Variants in RELL1 observed in about 807,000 individuals in gnomAD.
RELL1 encodes the protein RELT-like protein 1.
In RELL1, 10 loss-of-function variants were observed where a neutral mutation model predicts 23.0. The ratio of observed to expected loss-of-function variants is 0.43; its 90% CI spans 0.27 to 0.74. The LOEUF (loss-of-function observed/expected upper bound fraction) is 0.74, where lower values mean the gene tolerates loss of function less well. Ranked by LOEUF, RELL1 falls within the 30% of genes least tolerant of loss-of-function variation. The pLI, the probability that RELL1 is intolerant of heterozygous loss-of-function variation, is 0.19. For synonymous variants in RELL1, 146 were observed against 146.8 expected, an observed-to-expected ratio of 0.99 and a Z score of 0.04; for missense variants, 315 against 364.4, an observed-to-expected ratio of 0.86 and a Z score of 1.10.
chr4:37,650,972 T>C (rs548210792), intron 1 of RELL1, among the ~76,000 whole-genome samples: 2 of 150,244 alleles, frequency 1.3e-5, no homozygotes, highest in East Asian at 4.0e-4. Flanking sequence ...GGTGAGAGGA[T>C]TGCTTGAGCC....
chr4:37,604,664 C>T (rs1719105174), intron 6 of RELL1, among the ~76,000 whole-genome samples: 1 of 152,076 alleles, frequency 6.6e-6, no homozygotes, highest in African/African-American at 2.4e-5. Flanking sequence ...AAATGAGTCA[C>T]ATTACCATGC....
intron 1 of RELL1, among the ~76,000 whole-genome samples, chr4:37,681,060 T>G (rs1722203792): frequency 6.6e-6 from 1 of 152,116 alleles, no homozygotes; most frequent in African/African-American, 2.4e-5. Context: ...TTTAGATCTT[T>G]GGGGAAATTT....
intron 6 of RELL1, among the ~76,000 whole-genome samples, chr4:37,597,047 C>T (rs1034627854): frequency 1.3e-5 from 2 of 151,766 alleles, no homozygotes; most frequent in African/African-American, 4.8e-5. Flanking sequence ...CGCGCCCAGC[C>T]CGGGCCAATA....
At chr4:37,639,370 C>T (rs868318500) in intron 3 of RELL1, among the ~76,000 whole-genome samples, 3 of 113,606 alleles carry the variant, frequency 2.6e-5, no homozygotes, top group African/African-American at 7.1e-5. Context: ...GGCGATGAAG[C>T]GAGACTCTGT....
chr4:37,637,195 G>A (rs1196410557), intron 4 of RELL1, among the ~76,000 whole-genome samples: 1 of 152,216 alleles, frequency 6.6e-6, no homozygotes, highest in African/African-American at 2.4e-5. Flanking sequence ...GGCCAGGACT[G>A]GAATGTGGGA....
At chr4:37,588,951 G>A, downstream of RELL1, 1 of 1,408,260 alleles carries the variant, frequency 7.1e-7, no homozygotes, top group South Asian at 1.2e-5. Flanking sequence ...GATGAGCGTG[G>A]GGTCACTTTT....
intron 6 of RELL1, chr4:37,591,453 A>G: frequency 6.5e-6 from 1 of 154,192 alleles, no homozygotes. Context: ...TGGAAAAAGT[A>G]ACTACCCCAA....
At position 37,631,399 on chromosome 4, in the gene RELL1, C is replaced by CACTGCGT. The variant is rs1159709598; in HGVS notation, c.798_804dup (p.Gly269ThrfsTer11). 2 of 1,613,762 alleles carry CACTGCGT rather than the reference C, an allele frequency of 1.2e-6. No individual in the cohort carries two copies. The highest frequency in any genetic ancestry group is 1.7e-6 in the Non-Finnish European group (2 of 1,179,902). ...CCACGGCTCACCTGCTACTCTGTGC[C>CACTGCGT]ACTGCGTTCTCTCTTCACAGGTGTT... On this transcript the variant is annotated frameshift_variant, in exon 6 of 7. Coordinates refer to ENST00000454158, the MANE Select transcript of RELL1 (RefSeq NM_001085400.2). LOFTEE classifies it high-confidence loss of function.
chr4:37,656,198 TGAC>T (rs1721111004), intron 1 of RELL1, among the ~76,000 whole-genome samples: 1 of 152,176 alleles, frequency 6.6e-6, no homozygotes, highest in Non-Finnish European at 1.5e-5. Flanking sequence ...CTGCCAAATG[TGAC>T]AACATGGGTA....
downstream of RELL1, among the ~76,000 whole-genome samples, chr4:37,607,891 A>C (rs770229123): frequency 5.9e-5 from 9 of 152,166 alleles, no homozygotes; most frequent in Non-Finnish European, 1.2e-4. Flanking sequence ...CCCAGCCATC[A>C]GCACCACTTT....
chr4:37,589,656 C>T (rs968611848), downstream of RELL1, among the ~76,000 whole-genome samples: 1 of 152,184 alleles, frequency 6.6e-6, no homozygotes, highest in Non-Finnish European at 1.5e-5. Context: ...TTTTTCAAGA[C>T]TGTCTCGCTC....
downstream of RELL1, among the ~76,000 whole-genome samples, chr4:37,607,831 G>A (rs951984158): frequency 4.0e-5 from 6 of 151,892 alleles, no homozygotes; most frequent in Admixed American, 6.6e-5. Context: ...CTCGTGATCC[G>A]CCTGCCTCGG....
intron 1 of RELL1, among the ~76,000 whole-genome samples, chr4:37,673,533 C>CATTTA (rs2109311318): frequency 6.6e-6 from 1 of 152,284 alleles, no homozygotes; most frequent in Non-Finnish European, 1.5e-5. Flanking sequence ...TCTCATTTCT[C>CATTTA]AGCACTCCTT....
chr4:37,641,099 T>C (rs1374341301), intron 3 of RELL1, among the ~76,000 whole-genome samples: 3 of 152,202 alleles, frequency 2.0e-5, no homozygotes, highest in Non-Finnish European at 4.4e-5. Flanking sequence ...TATTAAAGCT[T>C]GCTTTTTGTA....
chr4:37,669,686 G>T (rs372046957), intron 1 of RELL1, among the ~76,000 whole-genome samples: 15 of 152,316 alleles, frequency 9.8e-5, no homozygotes, highest in Admixed American at 3.3e-4. Flanking sequence ...TGTTCTGTAC[G>T]AAGAAAAATT....
intron 3 of RELL1, 80 bp from the exon 4 acceptor site, chr4:37,638,584 A>C: frequency 9.2e-7 from 1 of 1,083,188 alleles, no homozygotes; most frequent in African/African-American, 1.6e-5. Flanking sequence ...TGTTGAAAAC[A>C]CATCTAATTC....
intron 6 of RELL1, among the ~76,000 whole-genome samples, chr4:37,618,509 A>T (rs1719651603): frequency 6.6e-6 from 1 of 152,056 alleles, no homozygotes. Flanking sequence ...AACTGCTGGG[A>T]TTACAGGTAT....
chr4:37,617,678 G>A (rs1719619590), intron 6 of RELL1, among the ~76,000 whole-genome samples: 1 of 152,200 alleles, frequency 6.6e-6, no homozygotes, highest in Non-Finnish European at 1.5e-5. Flanking sequence ...AGCTACTTGG[G>A]AGGCTGAGGC....
rs1484568496 is a variant in RELL1 at position 37,602,360 on chromosome 4, G to A, written c.*4-11143C>T. Among the ~76,000 whole-genome samples the A allele has an allele frequency of 2.7e-5, 4 of 148,310 alleles. No homozygotes were observed. In the South Asian group the frequency reaches 8.6e-4, roughly 32 times the overall value. On this transcript the variant is annotated intron_variant, in intron 6 of 6. Transcript: ENST00000314117. ...CCCTAGCCCACAGCTTTAGCCACCA[G>A]AGCAATAAACCATTTTTTCCAGCCC...
Sources: allele counts gnomAD v4.1 joint callset (sites outside exome capture counted in the v4.1 genomes callset), GRCh38; gene constraint gnomAD v4.1.1; transcripts MANE v1.5; gene names NCBI Gene and HGNC (gene_info 2026-07-23, HGNC 2026-07-21).